GFRA2: variants seen among roughly 807,000 people sequenced by gnomAD.
The protein encoded by GFRA2 is GDNF family receptor alpha-2.
Under a neutral mutation model 48.3 loss-of-function variants are expected in GFRA2, and 17 were observed. That is an observed-to-expected ratio of 0.35 (90% CI 0.24 to 0.53). GFRA2 has a LOEUF of 0.53. Ranked by LOEUF, GFRA2 falls within the 20% of genes least tolerant of loss-of-function variation. GFRA2 has a pLI of 0.93. For synonymous variants in GFRA2, 305 were observed against 257.2 expected, an observed-to-expected ratio of 1.19 and a Z score of -1.78; for missense variants, 660 against 637.3, an observed-to-expected ratio of 1.04 and a Z score of -0.38.
chr8:21,701,134 C>CAGTA, intron 7 of GFRA2, among the ~76,000 whole-genome samples: 1 of 152,366 alleles, frequency 6.6e-6, no homozygotes, highest in South Asian at 2.1e-4. Flanking sequence ...GGGGCTCACG[C>CAGTA]CTGTAATCCC....
At chr8:21,742,073 T>C (rs1804773580) in intron 4 of GFRA2, among the ~76,000 whole-genome samples, 1 of 151,328 alleles carries the variant, frequency 6.6e-6, no homozygotes, top group African/African-American at 2.4e-5. Flanking sequence ...TTCTAAAGAG[T>C]GTCTGGAAAA....
intron 4 of GFRA2, among the ~76,000 whole-genome samples, chr8:21,715,923 T>C (rs1803308825): frequency 6.6e-6 from 1 of 152,050 alleles, no homozygotes; most frequent in Non-Finnish European, 1.5e-5. Context: ...GACCTATCTG[T>C]ACATGAGTCC....
chr8:21,750,007 G>T lies in GFRA2; in HGVS notation c.794+581C>A, dbSNP rs554222705. Among the ~76,000 whole-genome samples the T allele has an allele frequency of 1.1e-4, 16 of 152,042 alleles. No individual in the cohort carries two copies. Among genetic ancestry groups the T allele is most frequent in the Non-Finnish European group, 2.2e-4 (15 of 67,988 alleles). On this transcript the variant is annotated intron_variant, in intron 4 of 8. Transcript: ENST00000524240. The surrounding 1 kb of genome is among the most constrained non-coding windows in gnomAD (Gnocchi z 5.7). ...TTAGGAAGGTAGTTTTGGGGGGTAT[G>T]CATGGTTATACTGAGCTGAAATTTA...
chr8:21,771,177 C>T (rs1486114838), intron 3 of GFRA2, among the ~76,000 whole-genome samples: 1 of 152,088 alleles, frequency 6.6e-6, no homozygotes, highest in Non-Finnish European at 1.5e-5. Flanking sequence ...CACCACAGCT[C>T]AAAAAGGCCA....
chr8:21,802,058 C>T (rs1807781903), intron 2 of GFRA2, among the ~76,000 whole-genome samples: 1 of 152,260 alleles, frequency 6.6e-6, no homozygotes, highest in Non-Finnish European at 1.5e-5. Context: ...TGTGGGACTC[C>T]TGACTGGCAG....
At chr8:21,798,652 C>A (rs1234382493) in intron 2 of GFRA2, among the ~76,000 whole-genome samples, 2 of 152,270 alleles carry the variant, frequency 1.3e-5, no homozygotes, top group African/African-American at 4.8e-5. Flanking sequence ...GTAAGCAATG[C>A]CCTGCAGACG....
At chr8:21,694,769 C>T (rs1802072181) in intron 7 of GFRA2, among the ~76,000 whole-genome samples, 2 of 152,244 alleles carry the variant, frequency 1.3e-5, no homozygotes, top group African/African-American at 4.8e-5. Context: ...CAACTAGCGG[C>T]ATTATATAGT....
chr8:21,755,058 G>T (rs1805502575), intron 3 of GFRA2, among the ~76,000 whole-genome samples: 1 of 152,204 alleles, frequency 6.6e-6, no homozygotes. Context: ...CCAGGAGTCA[G>T]TGGGGAGTGG....
intron 7 of GFRA2, 57 bp downstream of exon 7, chr8:21,702,748 C>T (rs1415645627): frequency 1.3e-6 from 2 of 1,498,908 alleles, no homozygotes; most frequent in African/African-American, 1.4e-5. Context: ...TGAGTCATTT[C>T]CCATGCCACT....
chr8:21,797,267 CT>C (rs1169613428), intron 2 of GFRA2, among the ~76,000 whole-genome samples: 4 of 99,860 alleles, frequency 4.0e-5, no homozygotes, highest in Non-Finnish European at 8.8e-5. Context: ...GCCTTTCTTT[CT>C]TTTTTTTTCC....
chr8:21,787,177 G>GA (rs1305932135), intron 1 of GFRA2, among the ~76,000 whole-genome samples: 2 of 151,358 alleles, frequency 1.3e-5, no homozygotes, highest in East Asian at 4.0e-4. Context: ...TTTAAAGGGA[G>GA]AGAGGAGCTG....
intron 1 of GFRA2, among the ~76,000 whole-genome samples, chr8:21,808,803 A>G (rs562014409): frequency 6.6e-6 from 1 of 152,374 alleles, no homozygotes; most frequent in South Asian, 2.1e-4. Context: ...CGTTTCAGTG[A>G]AGGCCCTGAA....
chr8:21,735,724 G>A (rs28431365), intron 4 of GFRA2, among the ~76,000 whole-genome samples: 26,808 of 152,086 alleles, frequency 0.18, 2,700 homozygotes, highest in African/African-American at 0.28. Flanking sequence ...GTGTCATGGC[G>A]TGATCACAGC....
At chr8:21,797,652 A>T (rs1306737481) in intron 2 of GFRA2, 1 of 151,980 alleles carries the variant, frequency 6.6e-6, no homozygotes, top group Non-Finnish European at 1.5e-5. Context: ...GGTGGTCTCC[A>T]TGGGCTATGG....
chr8:21,724,179 C>T (rs962908189), intron 4 of GFRA2, among the ~76,000 whole-genome samples: 10 of 152,084 alleles, frequency 6.6e-5, no homozygotes, highest in African/African-American at 2.2e-4. Flanking sequence ...AGATAGGTAA[C>T]GTGTCTCAGC....
intron 4 of GFRA2, among the ~76,000 whole-genome samples, chr8:21,729,130 T>C (rs547951766): frequency 1.3e-5 from 2 of 152,230 alleles, no homozygotes; most frequent in East Asian, 3.9e-4. Context: ...TTAGCAGTCA[T>C]AAACCTCTCC....
intron 4 of GFRA2, among the ~76,000 whole-genome samples, chr8:21,707,966 T>C (rs1247332689): frequency 6.6e-6 from 1 of 152,214 alleles, no homozygotes; most frequent in Non-Finnish European, 1.5e-5. Flanking sequence ...ATTATCCCAT[T>C]TTATAGATGA....
At chr8:21,754,494 T>C (rs1392993956) in intron 3 of GFRA2, among the ~76,000 whole-genome samples, 2 of 138,462 alleles carry the variant, frequency 1.4e-5, no homozygotes, top group African/African-American at 2.7e-5. Context: ...CCAACAATGG[T>C]CTTTTTTTTT....
At chr8:21,699,197 A>G (rs1207419819) in intron 7 of GFRA2, among the ~76,000 whole-genome samples, 2 of 152,196 alleles carry the variant, frequency 1.3e-5, no homozygotes, top group Non-Finnish European at 2.9e-5. Context: ...GAATGCACTG[A>G]CCGGTCTCTC....
Sources: gnomAD v4.1 joint callset for allele counts (sites outside exome capture counted in the v4.1 genomes callset) on GRCh38, gnomAD v4.1.1 for gene constraint, Gnocchi (gnomAD v3.1) non-coding constraint, MANE v1.5 for transcripts, NCBI Gene and HGNC (gene_info 2026-07-23, HGNC 2026-07-21) for gene names.